DOK6: variants seen among roughly 807,000 people sequenced by gnomAD.
DOK6 encodes docking protein 6.
DOK6 carries 22 observed loss-of-function variants against 44.0 expected under a neutral mutation model. That is an observed-to-expected ratio of 0.50 (90% CI 0.36 to 0.71). DOK6 has a LOEUF of 0.71. Among genes scored for constraint, DOK6 ranks in the 30% least tolerant of loss-of-function variants. The probability of loss-of-function intolerance (pLI) is 0.00; values close to 1 mark genes in which losing one functional copy is unlikely to be tolerated. For missense variants in DOK6, 340 were observed against 416.4 expected, an observed-to-expected ratio of 0.82 and a Z score of 1.60; for synonymous variants, 166 against 145.5, an observed-to-expected ratio of 1.14 and a Z score of -1.01.
Position 69,716,684 on chromosome 18 carries a change from A to C in DOK6, c.599+18091A>C, listed in dbSNP as rs72965571. ...TTGTTTTGGATAACAGATTCTCTGC[A>C]GAATTGACAAAAAAAAAAAAAAAAA... is the stretch of plus-strand genomic sequence containing the variant. On this transcript the variant is annotated intron_variant, in intron 5 of 7. Coordinates refer to ENST00000382713, the MANE Select transcript of DOK6 (RefSeq NM_152721.6). Among the ~76,000 whole-genome samples the C allele has an allele frequency of 9.4e-3, 1,102 of 116,886 alleles. 7 individuals are homozygous for C. Among genetic ancestry groups the C allele is most frequent in the Middle Eastern group, 0.019 (5 of 266 alleles). 76.7% of individuals were successfully genotyped at this position (116,886 alleles called of 152,430 possible).
At chr18:69,425,650 G>A (rs1978616619) in intron 1 of DOK6, among the ~76,000 whole-genome samples, 1 of 151,654 alleles carries the variant, frequency 6.6e-6, no homozygotes, top group African/African-American at 2.4e-5. Context: ...AAAAATACAA[G>A]TTTAAAATAA....
At chr18:69,612,746 C>T (rs191271769) in intron 3 of DOK6, among the ~76,000 whole-genome samples, 1 of 152,288 alleles carries the variant, frequency 6.6e-6, no homozygotes, top group Admixed American at 6.5e-5. Context: ...CCCTGTATTC[C>T]TAGCACCACA....
intron 1 of DOK6, among the ~76,000 whole-genome samples, chr18:69,561,625 A>G (rs1982834329): frequency 6.6e-6 from 1 of 152,048 alleles, no homozygotes; most frequent in South Asian, 2.1e-4. Flanking sequence ...TTTTCAGGTT[A>G]ATGGTTAGGA....
intron 7 of DOK6, among the ~76,000 whole-genome samples, chr18:69,769,232 A>G (rs1979815756): frequency 6.6e-6 from 1 of 152,106 alleles, no homozygotes; most frequent in Non-Finnish European, 1.5e-5. Flanking sequence ...AAATTATTTT[A>G]GTACAAAATT....
chr18:69,651,547 A>G (rs1013853382), intron 3 of DOK6, among the ~76,000 whole-genome samples: 13 of 141,908 alleles, frequency 9.2e-5, no homozygotes, highest in Admixed American at 8.2e-4. Flanking sequence ...GGAGTGCAGC[A>G]GCGCGATCTT....
chr18:69,721,320 C>A (rs1317348861), intron 5 of DOK6: 3 of 152,194 alleles, frequency 2.0e-5, no homozygotes, highest in Admixed American at 1.3e-4. Flanking sequence ...AACTATTTAC[C>A]TGAAGAGCGA....
At chr18:69,697,638 C>A (rs962627425) in intron 4 of DOK6, among the ~76,000 whole-genome samples, 1 of 150,142 alleles carries the variant, frequency 6.7e-6, no homozygotes, top group Admixed American at 6.7e-5. Context: ...AAAAAAAAAT[C>A]TATTTAATGC....
At chr18:69,459,187 TTG>T (rs71176967) in intron 1 of DOK6, among the ~76,000 whole-genome samples, 24,452 of 136,442 alleles carry the variant, frequency 0.18, 2,154 homozygotes, top group Non-Finnish European at 0.2. Flanking sequence ...AAAAAATATT[TTG>T]TGTGTGTGTG....
At chr18:69,662,745 T>TGA (rs1490589157) in intron 3 of DOK6, 3 of 152,226 alleles carry the variant, frequency 2.0e-5, no homozygotes, top group African/African-American at 7.2e-5. Flanking sequence ...GCCATGCCAA[T>TGA]GAAACACTGT....
rs1467271467 is a variant in DOK6, at chr18:69,847,223, A to G, written c.*5840A>G. The G allele has an allele frequency of 6.6e-6, 1 of 152,022 alleles. No homozygotes were observed. Among genetic ancestry groups the G allele is most frequent in the Non-Finnish European group, 1.5e-5 (1 of 68,014 alleles). The allele number at this position is 152,022 out of a possible 1,614,324, so 9.4% of individuals were successfully genotyped here. On this transcript the variant is annotated 3_prime_UTR_variant, in exon 8 of 8. Transcript: ENST00000382713. ...ATGAATGGATTTAAATTTTCTAATC[A>G]TTATTTTGGGCCCATGTTAGCAGTT...
chr18:69,552,408 C>T (rs964400028), intron 1 of DOK6, among the ~76,000 whole-genome samples: 1 of 151,832 alleles, frequency 6.6e-6, no homozygotes, highest in African/African-American at 2.4e-5. Flanking sequence ...TATGTTTGCT[C>T]TATATTTTGT....
chr18:69,493,413 C>CT (rs2144541640), intron 1 of DOK6, among the ~76,000 whole-genome samples: 1 of 152,238 alleles, frequency 6.6e-6, no homozygotes, highest in East Asian at 1.9e-4. Flanking sequence ...AAAAAGAGCA[C>CT]TAGCATTGCC....
At chr18:69,606,452 C>T (rs774003151) in intron 3 of DOK6, among the ~76,000 whole-genome samples, 2 of 151,862 alleles carry the variant, frequency 1.3e-5, no homozygotes, top group African/African-American at 2.4e-5. Context: ...CATCATAATC[C>T]ATGAATAAAA....
At chr18:69,773,269 G>A (rs1468966438) in intron 7 of DOK6, among the ~76,000 whole-genome samples, 2 of 151,886 alleles carry the variant, frequency 1.3e-5, no homozygotes, top group Non-Finnish European at 2.9e-5. Context: ...CAGCTGCCAT[G>A]GAAAACAGTA....
chr18:69,452,165 G>A (rs1440749884), intron 1 of DOK6, among the ~76,000 whole-genome samples: 6 of 151,924 alleles, frequency 3.9e-5, no homozygotes, highest in Non-Finnish European at 8.8e-5. Flanking sequence ...TAGATCGCTA[G>A]CAAGACTAAT....
At chr18:69,589,335 T>C (rs1264748715) in intron 2 of DOK6, among the ~76,000 whole-genome samples, 2 of 152,064 alleles carry the variant, frequency 1.3e-5, no homozygotes, top group Admixed American at 6.6e-5. Context: ...ACTATTTTAC[T>C]CTCAAAAGTA....
chr18:69,469,193 C>T (rs1980014831), intron 1 of DOK6, among the ~76,000 whole-genome samples: 1 of 152,140 alleles, frequency 6.6e-6, no homozygotes, highest in South Asian at 2.1e-4. Context: ...GGAGTCAGAA[C>T]TAGAAATACA....
At chr18:69,520,665 T>C (rs1313598355) in intron 1 of DOK6, among the ~76,000 whole-genome samples, 1 of 151,912 alleles carries the variant, frequency 6.6e-6, no homozygotes, top group African/African-American at 2.4e-5. Context: ...ATGTAAAACA[T>C]AAATAAAAGT....
chr18:69,728,186 G>A (rs940055967), intron 5 of DOK6, among the ~76,000 whole-genome samples: 2 of 152,222 alleles, frequency 1.3e-5, no homozygotes, highest in Non-Finnish European at 2.9e-5. Flanking sequence ...GCAGCCAGAT[G>A]TAGGCACTGG....
Sources: allele counts gnomAD v4.1 joint callset (sites outside exome capture counted in the v4.1 genomes callset), GRCh38; gene constraint gnomAD v4.1.1; transcripts MANE v1.5; gene names NCBI Gene and HGNC (gene_info 2026-07-23, HGNC 2026-07-21).